The following MGST1 variants were observed in gnomAD, a reference collection of about 807,000 sequenced individuals.
MGST1 encodes microsomal glutathione S-transferase 1.
MGST1 carries 5 observed loss-of-function variants against 8.9 expected under a neutral mutation model. The ratio of observed to expected loss-of-function variants is 0.56; its 90% confidence interval spans 0.29 to 1.19. MGST1 has a LOEUF of 1.19. Ranked by LOEUF, MGST1 falls within the 50% of genes most tolerant of loss-of-function variation. The pLI is 0.08. For synonymous variants in MGST1, 54 were observed against 67.8 expected, an observed-to-expected ratio of 0.80 and a Z score of 1.00; for missense variants, 182 against 187.4, an observed-to-expected ratio of 0.97 and a Z score of 0.17.
intron 1 of MGST1, among the ~76,000 whole-genome samples, chr12:16,414,395 A>ATTTTTT (rs66730103): frequency 1.1e-5 from 1 of 94,678 alleles, no homozygotes; most frequent in Non-Finnish European, 2.2e-5. Flanking sequence ...AGGTGTTTTT[A>ATTTTTT]TTTTTTTTTT....
intron 4 of MGST1, among the ~76,000 whole-genome samples, chr12:16,542,525 G>GT (rs1249803908): frequency 1.3e-5 from 2 of 152,064 alleles, no homozygotes; most frequent in African/African-American, 4.8e-5. Flanking sequence ...ATAATTTAGG[G>GT]TAAAATTCTC....
At chr12:16,552,278 G>A (rs184962678) in intron 4 of MGST1, among the ~76,000 whole-genome samples, 1 of 152,072 alleles carries the variant, frequency 6.6e-6, no homozygotes, top group East Asian at 1.9e-4. Flanking sequence ...GTGGTGTCTG[G>A]TAGAGTTGAC....
intron 1 of MGST1, among the ~76,000 whole-genome samples, chr12:16,351,231 G>A (rs1939446894): frequency 6.6e-6 from 1 of 152,080 alleles, no homozygotes; most frequent in Non-Finnish European, 1.5e-5. Context: ...TTGTACAGAG[G>A]CCTGGGACTT....
rs538841960 is a variant in MGST1, at chr12:16,554,452, A to T, written n.483-35076A>T. On this transcript the variant is annotated intron_variant and non_coding_transcript_variant, in intron 4 of 4. Coordinates refer to the MGST1 transcript ENST00000538857. The stretch of plus-strand genomic sequence containing the variant: ...TGTAAGTTAGAGATTTCTATACTAT[A>T]CTGTTTTCAATAAGAAGTCCGGGTT... Among the ~76,000 whole-genome samples the T allele has an allele frequency of 3.3e-5, 5 of 152,216 alleles. No homozygotes were observed. In the East Asian group the frequency reaches 9.7e-4, roughly 29 times the overall value.
At chr12:16,407,204 TAAAC>T (rs1292850202) in intron 1 of MGST1, among the ~76,000 whole-genome samples, 1 of 152,088 alleles carries the variant, frequency 6.6e-6, no homozygotes, top group Non-Finnish European at 1.5e-5. Context: ...CTAAGGAACT[TAAAC>T]AAATTTACAA....
In MGST1 at chr12:16,347,731, A is replaced by G; in HGVS notation, c.-23+21A>G. On this transcript the variant is annotated intron_variant, in intron 1 of 3. Coordinates refer to ENST00000396210, the MANE Select transcript of MGST1 (RefSeq NM_020300.5). This position sits in a 1 kb window ranked among gnomAD's most constrained non-coding sequence, Gnocchi z 4.0. ...TCACCGTGCGTACTGGGAGGGGAGA[A>G]GGGGACCGCATGCAAAGGGTGGCAG... 6.6e-6 allele frequency: 1 copy of G among 152,498 alleles called. No homozygotes were observed. The highest frequency in any genetic ancestry group is 1.5e-5 in the Non-Finnish European group (1 of 68,314). 9.4% of individuals were successfully genotyped at this position (152,498 alleles called of 1,614,324 possible).
exon 2 of MGST1, chr12:16,438,075 A>G (rs1326323734): frequency 6.6e-6 from 1 of 151,952 alleles, no homozygotes; most frequent in East Asian, 1.9e-4. Context: ...GCAGTGCTCC[A>G]CAGCTTGTAA....
chr12:16,474,513 A>G (rs1941308296), intron 4 of MGST1, among the ~76,000 whole-genome samples: 1 of 152,218 alleles, frequency 6.6e-6, no homozygotes, highest in East Asian at 1.9e-4. Flanking sequence ...CCAAAGCTGA[A>G]CACATATCTC....
chr12:16,453,486 A>G (rs1230310070), intron 4 of MGST1, among the ~76,000 whole-genome samples: 5 of 151,966 alleles, frequency 3.3e-5, no homozygotes, highest in Non-Finnish European at 7.4e-5. Flanking sequence ...ATAAATATCT[A>G]CATACATTTA....
chr12:16,382,184 G>C (rs1940462940), downstream of MGST1, among the ~76,000 whole-genome samples: 1 of 152,216 alleles, frequency 6.6e-6, no homozygotes, highest in Admixed American at 6.5e-5. Context: ...CTGGTGAGGA[G>C]CTGCATTCCT....
rs1246977092 is a variant in MGST1, at chr12:16,585,720, A to G, written n.483-3808A>G. 6.6e-6 allele frequency among the ~76,000 whole-genome samples: 1 copy of G among 152,188 alleles called. No homozygotes were observed. Among genetic ancestry groups the G allele is most frequent in the Non-Finnish European group, 1.5e-5 (1 of 68,034 alleles). On this transcript the variant is annotated intron_variant and non_coding_transcript_variant, in intron 4 of 4. Transcript: ENST00000538857. The surrounding 1 kb of genome is among the most constrained non-coding windows in gnomAD (Gnocchi z 4.7). ...TGATGTAAGCAGCTCCAAATATAAT[A>G]ATAGAAAGGAAAATATGGGTGAGAA...
chr12:16,449,694 C>G (rs953112256), intron 4 of MGST1, among the ~76,000 whole-genome samples: 1 of 151,896 alleles, frequency 6.6e-6, no homozygotes, highest in African/African-American at 2.4e-5. Flanking sequence ...TGATAAAATC[C>G]TACTCATTTA....
At position 16,458,582 on chromosome 12, in the gene MGST1, T is replaced by C. The variant is rs1941196015; in HGVS notation, n.482+74978T>C. On this transcript the variant is annotated intron_variant and non_coding_transcript_variant, in intron 4 of 4. Transcript: ENST00000538857. The surrounding 1 kb of genome is among the most constrained non-coding windows in gnomAD (Gnocchi z 4.0). ...TTGCTTTATCAATGAATCTTGGCTG[T>C]ACAAGGAAAAGTATTGCTTTAATAT... Among the ~76,000 whole-genome samples, 1 of 152,068 alleles carries C rather than the reference T, an allele frequency of 6.6e-6. No homozygotes were observed. The highest frequency in any genetic ancestry group is 2.4e-5 in the African/African-American group (1 of 41,430).
At chr12:16,557,367 A>AT (rs68115649) in intron 4 of MGST1, among the ~76,000 whole-genome samples, 94,526 of 142,756 alleles carry the variant, frequency 0.66, 31,063 homozygotes, top group Middle Eastern at 0.73. Context: ...GGTGGCAAGG[A>AT]TTTTTTTTTT....
Position 16,500,755 on chromosome 12 carries a change from A to C in MGST1, n.483-88773A>C, listed in dbSNP as rs554771366. Among the ~76,000 whole-genome samples, 1 of 152,356 alleles carries C rather than the reference A, an allele frequency of 6.6e-6. No individual in the cohort carries two copies. Among genetic ancestry groups the C allele is most frequent in the East Asian group, 1.9e-4 (1 of 5,180 alleles). On this transcript the variant is annotated intron_variant and non_coding_transcript_variant, in intron 4 of 4. Transcript: ENST00000538857. The surrounding 1 kb of genome is among the most constrained non-coding windows in gnomAD (Gnocchi z 4.3). ...TATTAAATATTACTATCATAAGGGC[A>C]AAATCTATAGGGAGAAAAATCAGTG...
At chr12:16,580,942 A>G (rs763620444) in intron 4 of MGST1, among the ~76,000 whole-genome samples, 7 of 152,220 alleles carry the variant, frequency 4.6e-5, no homozygotes, top group Non-Finnish European at 8.8e-5. Flanking sequence ...GACATGCTAT[A>G]TACAACACAG....
chr12:16,347,347 C>G (rs558086534), upstream of MGST1, among the ~76,000 whole-genome samples: 1 of 152,174 alleles, frequency 6.6e-6, no homozygotes, highest in Non-Finnish European at 1.5e-5. The surrounding 1 kb of genome is among the most constrained non-coding windows in gnomAD (Gnocchi z 4.0). Context: ...TTTTTAAAAA[C>G]AACTTCCAAA....
intron 4 of MGST1, among the ~76,000 whole-genome samples, chr12:16,447,505 T>C (rs943450927): frequency 6.6e-6 from 1 of 151,954 alleles, no homozygotes; most frequent in African/African-American, 2.4e-5. Flanking sequence ...AAGGATGCAC[T>C]ATCTCTGCAG....
At chr12:16,457,421 A>G (rs1941182841) in intron 4 of MGST1, among the ~76,000 whole-genome samples, 1 of 151,936 alleles carries the variant, frequency 6.6e-6, no homozygotes, top group Non-Finnish European at 1.5e-5. Context: ...TAATTCAGCA[A>G]AGTGCTTGGA....
Sources: allele counts gnomAD v4.1 joint callset (sites outside exome capture counted in the v4.1 genomes callset), GRCh38; gene constraint gnomAD v4.1.1; non-coding constraint Gnocchi (gnomAD v3.1); transcripts MANE v1.5; gene names NCBI Gene and HGNC (gene_info 2026-07-23, HGNC 2026-07-21).